AKAP13: variants seen among roughly 807,000 people sequenced by gnomAD.
AKAP13 encodes A-kinase anchoring protein 13.
A neutral mutation model predicts 264.5 loss-of-function variants in AKAP13; 80 were observed. That is an observed-to-expected ratio of 0.30 (90% confidence interval 0.25 to 0.36). The LOEUF is 0.36. AKAP13 is among the 10% of genes least tolerant of loss of function. The pLI is 1.00. For missense variants in AKAP13, 3,712 were observed against 3,435.2 expected (o/e 1.08, Z -2.01); for synonymous variants, 1,380 against 1,250.2 (o/e 1.10, Z -2.19).
intron 1 of AKAP13, among the ~76,000 whole-genome samples, chr15:85,474,847 A>G (rs995447206): frequency 6.6e-6 from 1 of 152,224 alleles, no homozygotes; most frequent in African/African-American, 2.4e-5. Flanking sequence ...CAGTCTAATA[A>G]TTAACAAGGT....
intron 8 of AKAP13, among the ~76,000 whole-genome samples, chr15:85,613,290 A>G (rs1199561071): frequency 6.6e-6 from 1 of 152,142 alleles, no homozygotes; most frequent in Non-Finnish European, 1.5e-5. Flanking sequence ...TTTCAGGAAG[A>G]AGTTTTATTA....
In AKAP13 at chr15:85,521,494, T is replaced by C; in HGVS notation, c.100T>C (p.Leu34=). The C allele has an allele frequency of 6.2e-7, 1 of 1,614,200 alleles. No homozygotes were observed. Among genetic ancestry groups the C allele is most frequent in the South Asian group, 1.1e-5 (1 of 91,082 alleles). The change falls in exon 3 of 37, where the codon TTG becomes CTG. Residue 34 remains leucine, a synonymous_variant. Coordinates refer to ENST00000394518, the MANE Select transcript of AKAP13 (RefSeq NM_007200.5). ...AGCTGAAGATGATGTAGTGTTTTACTTGGTATTTTTGGGTTCCACCCTCCG... is the reference window on the plus strand; with the variant it reads ...AGCTGAAGATGATGTAGTGTTTTACCTGGTATTTTTGGGTTCCACCCTCCG... ...DKAEDDVVFY[L]VFLGSTLRHC... is the part of the protein sequence containing the mutation.
chr15:85,529,928 GT>G (rs1172892329), intron 3 of AKAP13, among the ~76,000 whole-genome samples: 4 of 152,166 alleles, frequency 2.6e-5, no homozygotes, highest in Non-Finnish European at 5.9e-5. Context: ...ATGATTCATA[GT>G]TTCTTCTTCA....
chr15:85,454,288 C>T (rs1333150944), intron 1 of AKAP13, among the ~76,000 whole-genome samples: 1 of 152,200 alleles, frequency 6.6e-6, no homozygotes, highest in African/African-American at 2.4e-5. Flanking sequence ...CTCTGTTGGT[C>T]AGACTGAAGA....
intron 8 of AKAP13, among the ~76,000 whole-genome samples, chr15:85,625,620 G>A (rs1397215156): frequency 6.6e-6 from 1 of 152,168 alleles, no homozygotes; most frequent in African/African-American, 2.4e-5. Context: ...CCAGCACTTT[G>A]GGAGATTGAG....
intron 29 of AKAP13, among the ~76,000 whole-genome samples, chr15:85,729,109 A>G (rs185183189): frequency 1.8e-3 from 274 of 151,640 alleles, no homozygotes; most frequent in Middle Eastern, 0.01. Flanking sequence ...GACCAGCCTG[A>G]CCAACATGGT....
intron 2 of AKAP13, chr15:85,520,779 G>T: frequency 1.2e-5 from 6 of 507,544 alleles, no homozygotes; most frequent in Non-Finnish European, 1.6e-5. Context: ...AAACTATGGG[G>T]ATACGTTCTG....
At chr15:85,539,006 A>G (rs1435812908) in intron 4 of AKAP13, among the ~76,000 whole-genome samples, 1 of 133,886 alleles carries the variant, frequency 7.5e-6, no homozygotes, top group Non-Finnish European at 1.6e-5. Flanking sequence ...AATTTTTTGT[A>G]TTTTTTGGTA....
chr15:85,655,595 CTGAGGGTCGAGAAAG>C lies in AKAP13; in HGVS notation c.4558_4572del (p.Gly1520_Glu1524del), dbSNP rs534473998. On this transcript the variant is annotated inframe_deletion, in exon 11 of 37. Coordinates refer to ENST00000394518, the MANE Select transcript of AKAP13 (RefSeq NM_007200.5). Reference sequence around the variant, plus strand: ...GGATTCTACAGCCATGGGATGGGAGCTGAGGGTCGAGAAAGTGAGAGTGAGCCTGCTGACCCAGGC... The same window carrying C: ...GGATTCTACAGCCATGGGATGGGAGCTGAGAGTGAGCCTGCTGACCCAGGC... 328 of 1,614,202 alleles carry C rather than the reference CTGAGGGTCGAGAAAG, an allele frequency of 2.0e-4. No individual in the cohort carries two copies. The highest frequency in any genetic ancestry group is 2.6e-4 in the Non-Finnish European group (301 of 1,180,036).
intron 26 of AKAP13, 86 bp downstream of exon 26, chr15:85,723,406 A>AT (rs1304916254): frequency 1.4e-5 from 22 of 1,550,448 alleles, no homozygotes; most frequent in Admixed American, 1.9e-5. Flanking sequence ...TCACTACCAG[A>AT]TTTTTTTCCC....
chr15:85,640,525 G>A (rs2082261570), intron 9 of AKAP13, among the ~76,000 whole-genome samples: 2 of 152,124 alleles, frequency 1.3e-5, no homozygotes, highest in Admixed American at 6.6e-5. Context: ...ACAAATATGA[G>A]AAGTGTTTTT....
intron 35 of AKAP13, among the ~76,000 whole-genome samples, chr15:85,741,977 G>C (rs943689696): frequency 1.3e-5 from 2 of 152,010 alleles, no homozygotes; most frequent in African/African-American, 4.8e-5. Flanking sequence ...CCGGGGAGGT[G>C]GGGATTGCAG....
intron 5 of AKAP13, among the ~76,000 whole-genome samples, chr15:85,545,361 A>G (rs956036913): frequency 6.6e-6 from 1 of 152,256 alleles, no homozygotes; most frequent in African/African-American, 2.4e-5. Flanking sequence ...CTGCCATCCA[A>G]ATGGGGAAAT....
At chr15:85,645,775 GT>G (rs71468130) in intron 9 of AKAP13, 42 bp from the exon 10 acceptor site, 1,987 of 1,364,714 alleles carry the variant, frequency 1.5e-3, no homozygotes, top group South Asian at 4.1e-3. Context: ...TGGTTTTTTT[GT>G]TTTTTTTTTT....
intron 1 of AKAP13, among the ~76,000 whole-genome samples, chr15:85,437,746 A>G (rs2073381868): frequency 6.6e-6 from 1 of 152,256 alleles, no homozygotes; most frequent in Admixed American, 6.5e-5. Flanking sequence ...AGATGCAGAA[A>G]AAGCCTTTGG....
intron 8 of AKAP13, among the ~76,000 whole-genome samples, chr15:85,618,639 G>C (rs1052377577): frequency 6.6e-6 from 1 of 152,124 alleles, no homozygotes; most frequent in Non-Finnish European, 1.5e-5. Flanking sequence ...GGCTAGAAGG[G>C]TCTGGAATAG....
At chr15:85,578,826 C>A in intron 6 of AKAP13, 104 bp from the exon 7 acceptor site, 1 of 1,029,272 alleles carries the variant, frequency 9.7e-7, no homozygotes, top group East Asian at 2.5e-5. Context: ...CTTAGAAGAG[C>A]TAGAATAGAA....
chr15:85,682,148 T>C lies in AKAP13; in HGVS notation c.5102-10T>C. ...TTTGGTTCTAACTTTTTTTCTGCCT[T>C]GTTTTCTAGATTCACGGCCCTTCCA... On this transcript the variant is annotated splice_polypyrimidine_tract_variant and intron_variant, in intron 14 of 36. Coordinates refer to ENST00000394518, the MANE Select transcript of AKAP13 (RefSeq NM_007200.5). 1.2e-6 allele frequency: 2 copies of C among 1,613,384 alleles called. No individual in the cohort carries two copies. Among genetic ancestry groups the C allele is most frequent in the Non-Finnish European group, 8.5e-7 (1 of 1,179,900 alleles).
intron 8 of AKAP13, among the ~76,000 whole-genome samples, chr15:85,609,369 G>T (rs1448229684): frequency 6.6e-6 from 1 of 152,122 alleles, no homozygotes; most frequent in Non-Finnish European, 1.5e-5. Context: ...TCTTATGGTG[G>T]TTGTCTTTCT....
Sources: gnomAD v4.1 joint callset for allele counts (sites outside exome capture counted in the v4.1 genomes callset) on GRCh38, gnomAD v4.1.1 for gene constraint, MANE v1.5 for transcripts, NCBI Gene and HGNC (gene_info 2026-07-23, HGNC 2026-07-21) for gene names.